Variants in GPR137B observed in about 807,000 individuals in gnomAD.
GPR137B encodes the protein G protein-coupled receptor 137B.
GPR137B carries 42 observed loss-of-function variants against 42.5 expected under a neutral mutation model. That is an observed-to-expected ratio of 0.99 (90% CI 0.77 to 1.28). GPR137B has a LOEUF of 1.28. Among genes scored for constraint, GPR137B ranks in the 50% most tolerant of loss-of-function variants. The pLI is 0.00. For synonymous variants in GPR137B, 218 were observed against 209.7 expected, an observed-to-expected ratio of 1.04 and a Z score of -0.34; for missense variants, 487 against 493.9, an observed-to-expected ratio of 0.99 and a Z score of 0.13.
intron 1 of GPR137B, among the ~76,000 whole-genome samples, chr1:236,153,539 G>C (rs890325235): frequency 1.1e-4 from 16 of 152,170 alleles, no homozygotes; most frequent in Non-Finnish European, 2.9e-5. Flanking sequence ...TGGACATTTA[G>C]GTTGTTTCAT....
At chr1:236,207,229 G>A in intron 6 of GPR137B, 4 of 985,330 alleles carry the variant, frequency 4.1e-6, no homozygotes, top group Non-Finnish European at 3.6e-6. Context: ...GATTGTCGCT[G>A]AGAAAAAAGA....
chr1:236,205,091 C>T (rs1553367134), intron 5 of GPR137B, 35 bp from the exon 6 acceptor site: 1 of 1,588,302 alleles, frequency 6.3e-7, no homozygotes, highest in Non-Finnish European at 8.6e-7. Context: ...GGCATGATGT[C>T]TGTAAGTATG....
intron 1 of GPR137B, among the ~76,000 whole-genome samples, chr1:236,151,417 C>CCTTTTTTTTTTTTTTTTTTTTTTTTTTTT (rs1405128961): frequency 7.9e-6 from 1 of 126,570 alleles, no homozygotes; most frequent in African/African-American, 3.0e-5. Context: ...GTTGCATATT[C>CCTTTTTTTTTTTTTTTTTTTTTTTTTTTT]ATTTTTTTTT....
At chr1:236,188,104 A>C (rs1571998433) in intron 5 of GPR137B, among the ~76,000 whole-genome samples, 1 of 152,108 alleles carries the variant, frequency 6.6e-6, no homozygotes, top group Non-Finnish European at 1.5e-5. Flanking sequence ...TGTGAATGGG[A>C]GTTCACTCAT....
rs534603022 is a variant in GPR137B at position 236,151,101 on chromosome 1, T to G, written c.414+8065T>G. 9.2e-5 allele frequency among the ~76,000 whole-genome samples: 14 copies of G among 152,284 alleles called. No individual in the cohort carries two copies. In the South Asian group the frequency reaches 2.9e-3, roughly 32 times the overall value. On this transcript the variant is annotated intron_variant, in intron 1 of 6. Transcript: ENST00000366592. ...GTTCCTGTTGGCCTTGCGTTTCCAG[T>G]GAGAAGAAGAAAGCTGGTTCCTGGT...
intron 1 of GPR137B, among the ~76,000 whole-genome samples, chr1:236,146,534 C>T (rs1234885733): frequency 1.3e-5 from 2 of 152,172 alleles, no homozygotes; most frequent in Admixed American, 6.5e-5. Flanking sequence ...TTACTCATCT[C>T]ACCCTCCCTG....
chr1:236,153,583 A>G (rs1013558029), intron 1 of GPR137B, among the ~76,000 whole-genome samples: 1 of 152,228 alleles, frequency 6.6e-6, no homozygotes, highest in African/African-American at 2.4e-5. Context: ...TGTGCCAGAC[A>G]CTGTGCAGAC....
intron 1 of GPR137B, among the ~76,000 whole-genome samples, chr1:236,159,326 A>G (rs1662119591): frequency 6.6e-6 from 1 of 152,070 alleles, no homozygotes; most frequent in South Asian, 2.1e-4. Flanking sequence ...AAACAAACAA[A>G]CAAACAGAAA....
At chr1:236,182,637 G>C (rs1370150546) in intron 4 of GPR137B, among the ~76,000 whole-genome samples, 16 of 152,042 alleles carry the variant, frequency 1.1e-4, no homozygotes, top group Non-Finnish European at 1.5e-5. Context: ...AGTCCTAGCT[G>C]CTTGGAGGGA....
chr1:236,152,390 A>G (rs941429486), intron 1 of GPR137B, among the ~76,000 whole-genome samples: 6 of 151,950 alleles, frequency 3.9e-5, no homozygotes, highest in African/African-American at 1.5e-4. Context: ...TGAACTTGGG[A>G]GGTCAAGGCT....
chr1:236,179,834 T>A, intron 3 of GPR137B, 45 bp from the exon 4 acceptor site: 1 of 1,462,030 alleles, frequency 6.8e-7, no homozygotes, highest in Non-Finnish European at 9.2e-7. Flanking sequence ...GGGGCTGGTG[T>A]CTTGGACCTG....
At chr1:236,168,605 G>A in intron 1 of GPR137B, 101 bp from the exon 2 acceptor site, 3 of 869,734 alleles carry the variant, frequency 3.4e-6, no homozygotes, top group Non-Finnish European at 6.0e-6. Context: ...AACGTGCCCA[G>A]CGCTGGGGGA....
intron 1 of GPR137B, among the ~76,000 whole-genome samples, chr1:236,147,573 T>G (rs1463520090): frequency 6.6e-6 from 1 of 152,186 alleles, no homozygotes; most frequent in Non-Finnish European, 1.5e-5. Flanking sequence ...ACCTGGCTGC[T>G]TTTCACTCCT....
chr1:236,206,404 C>T (rs1663663651), intron 6 of GPR137B, among the ~76,000 whole-genome samples: 2 of 152,206 alleles, frequency 1.3e-5, no homozygotes, highest in African/African-American at 4.8e-5. Flanking sequence ...TACCCTGTCT[C>T]TTAGTCTCAC....
At chr1:236,180,182 C>A in intron 4 of GPR137B, 154 bp downstream of exon 4, 1 of 613,162 alleles carries the variant, frequency 1.6e-6, no homozygotes, top group Non-Finnish European at 3.0e-6. Context: ...ACGCATCCTT[C>A]TGTATACTTT....
chr1:236,173,386 AAGAC>A (rs1469431584), intron 2 of GPR137B, among the ~76,000 whole-genome samples: 3 of 146,080 alleles, frequency 2.1e-5, no homozygotes, highest in Non-Finnish European at 3.0e-5. Flanking sequence ...GAAAGAGAGA[AAGAC>A]AGGTAGGGAA....
At position 236,157,226 on chromosome 1, in the gene GPR137B, CT is replaced by C. The variant is rs35627938; in HGVS notation, c.415-11464del. Among the ~76,000 whole-genome samples the C allele has an allele frequency of 6.3e-3, 870 of 139,012 alleles. 4 individuals carry two copies. Among genetic ancestry groups the C allele is most frequent in the Middle Eastern group, 0.023 (6 of 266 alleles). 91.2% of individuals were successfully genotyped at this position (139,012 alleles called of 152,430 possible). On this transcript the variant is annotated intron_variant, in intron 1 of 6. Transcript: ENST00000366592. ...AGGTAAGCCAGCTCCAGATTCCACA[CT>C]TTTTTTTTTTTTTTTGAGACGGAGT...
In GPR137B at chr1:236,172,208, C is replaced by T. The variant is rs1662556461; in HGVS notation, c.464+3453C>T. On this transcript the variant is annotated intron_variant, in intron 2 of 6. Coordinates refer to ENST00000366592, the MANE Select transcript of GPR137B (RefSeq NM_003272.4). ...ATTCCTGTGTAGGCACATCTTTAGT[C>T]TCATCTATAGAATTCCTCAGTTCTC... 2.0e-5 allele frequency among the ~76,000 whole-genome samples: 3 copies of T among 152,162 alleles called. No homozygotes were observed. In the South Asian group the frequency reaches 6.2e-4, roughly 31 times the overall value.
intron 1 of GPR137B, among the ~76,000 whole-genome samples, chr1:236,158,569 A>G (rs1662097370): frequency 6.6e-6 from 1 of 152,248 alleles, no homozygotes; most frequent in Non-Finnish European, 1.5e-5. Flanking sequence ...ATGCATTTGT[A>G]ACATTTTCAG....
Sources: gnomAD v4.1 joint callset for allele counts (sites outside exome capture counted in the v4.1 genomes callset) on GRCh38, gnomAD v4.1.1 for gene constraint, MANE v1.5 for transcripts, NCBI Gene and HGNC (gene_info 2026-07-23, HGNC 2026-07-21) for gene names.